BNC2: variants seen among roughly 807,000 people sequenced by gnomAD.
The protein encoded by BNC2 is basonuclin zinc finger protein 2, also known as zinc finger protein basonuclin-2.
In BNC2, 20 loss-of-function variants were observed where a neutral mutation model predicts 76.3. The ratio of observed to expected loss-of-function variants is 0.26; its 90% CI spans 0.18 to 0.38. The LOEUF (loss-of-function observed/expected upper bound fraction) is 0.38. Among genes scored for constraint, BNC2 ranks in the 10% least tolerant of loss-of-function variants. BNC2 has a pLI of 1.00. For synonymous variants in BNC2, 582 were observed against 514.8 expected, an observed-to-expected ratio of 1.13 and a Z score of -1.77; for missense variants, 1,382 against 1,399.8, an observed-to-expected ratio of 0.99 and a Z score of 0.20.
chr9:16,469,502 C>G (rs1821773548), intron 5 of BNC2, among the ~76,000 whole-genome samples: 1 of 152,200 alleles, frequency 6.6e-6, no homozygotes, highest in African/African-American at 2.4e-5. Context: ...CCATGGGGAA[C>G]TGTAAGTCCA....
At chr9:16,650,269 T>C (rs1169188608) in intron 3 of BNC2, among the ~76,000 whole-genome samples, 1 of 152,208 alleles carries the variant, frequency 6.6e-6, no homozygotes, top group African/African-American at 2.4e-5. Flanking sequence ...ACAGAGGGCA[T>C]AAATAGGACC....
chr9:16,444,712 A>G (rs891961646), intron 5 of BNC2, among the ~76,000 whole-genome samples: 1 of 152,222 alleles, frequency 6.6e-6, no homozygotes. Context: ...TCTGTGGAAG[A>G]GAAACCTTTG....
chr9:16,686,765 T>C lies in BNC2; in HGVS notation c.330+41032A>G, dbSNP rs112031032. 1.1e-3 allele frequency among the ~76,000 whole-genome samples: 163 copies of C among 152,306 alleles called. 1 individual carries two copies. Among genetic ancestry groups the C allele is most frequent in the African/African-American group, 3.6e-3 (149 of 41,572 alleles). On this transcript the variant is annotated intron_variant, in intron 3 of 6. Coordinates refer to ENST00000380672, the MANE Select transcript of BNC2 (RefSeq NM_017637.6). ...CAAACTTAAACAACGTTCAGTATAC[T>C]CCACTTTGCAAGTTCACTAGTGAAT...
intron 1 of BNC2, among the ~76,000 whole-genome samples, chr9:16,791,627 C>T (rs1403445526): frequency 6.6e-6 from 1 of 152,172 alleles, no homozygotes; most frequent in African/African-American, 2.4e-5. Flanking sequence ...ACCCCATTCA[C>T]AGTCAACTAT....
chr9:16,471,086 C>G (rs755239522), intron 5 of BNC2, among the ~76,000 whole-genome samples: 1 of 152,188 alleles, frequency 6.6e-6, no homozygotes, highest in Non-Finnish European at 1.5e-5. Context: ...TGGGAACCCA[C>G]CTCTTACATC....
intron 1 of BNC2, among the ~76,000 whole-genome samples, chr9:16,760,264 A>C (rs532025509): frequency 6.6e-6 from 1 of 152,282 alleles, no homozygotes; most frequent in African/African-American, 2.4e-5. Flanking sequence ...CTGTTCAGCA[A>C]CTCTCAGAAA....
intron 6 of BNC2, chr9:16,421,375 T>C: frequency 1.1e-6 from 1 of 945,332 alleles, no homozygotes; most frequent in Non-Finnish European, 1.5e-6. Context: ...GAAAACAAAT[T>C]CACATTCTAG....
At chr9:16,825,379 A>T (rs1450491861) in intron 1 of BNC2, among the ~76,000 whole-genome samples, 2 of 152,066 alleles carry the variant, frequency 1.3e-5, no homozygotes, top group Non-Finnish European at 2.9e-5. Context: ...TCATTCCACA[A>T]TTGGGGTGGG....
chr9:16,493,056 T>A (rs1181504106), intron 5 of BNC2, among the ~76,000 whole-genome samples: 4 of 152,206 alleles, frequency 2.6e-5, no homozygotes, highest in Non-Finnish European at 5.9e-5. Flanking sequence ...TTTATTTCAT[T>A]TTTATTGAAA....
At chr9:16,771,695 C>T (rs1413632958) in intron 1 of BNC2, among the ~76,000 whole-genome samples, 1 of 152,222 alleles carries the variant, frequency 6.6e-6, no homozygotes, top group Non-Finnish European at 1.5e-5. Flanking sequence ...TCACTATTCA[C>T]AGTTACACTC....
At chr9:16,617,613 T>G (rs1820748339) in intron 3 of BNC2, among the ~76,000 whole-genome samples, 1 of 152,242 alleles carries the variant, frequency 6.6e-6, no homozygotes, top group South Asian at 2.1e-4. Context: ...GGCACAAAGT[T>G]TAGTAAAACC....
rs188560449 is a variant in BNC2, at chr9:16,739,620, G to A, written c.4-1135C>T. Among the ~76,000 whole-genome samples, 262 of 152,192 alleles carry A rather than the reference G, an allele frequency of 1.7e-3. 2 individuals are homozygous for A. The highest frequency in any genetic ancestry group is 5.8e-3 in the African/African-American group (240 of 41,516). On this transcript the variant is annotated intron_variant, in intron 1 of 6. Transcript: ENST00000380672. ...CCAAGAGGCAGAGGTTGCAGTGAGCGGAGATTGTGCCATTGCACTCCACCC... is the reference window on the plus strand; with the variant it reads ...CCAAGAGGCAGAGGTTGCAGTGAGCAGAGATTGTGCCATTGCACTCCACCC...
intron 3 of BNC2, among the ~76,000 whole-genome samples, chr9:16,609,040 C>CA (rs1238836983): frequency 1.8e-4 from 27 of 152,290 alleles, no homozygotes; most frequent in African/African-American, 6.3e-4. Flanking sequence ...ACCTAGAACA[C>CA]AGCCTTGTGA....
chr9:16,741,659 C>A (rs1281850562), intron 1 of BNC2, among the ~76,000 whole-genome samples: 1 of 151,994 alleles, frequency 6.6e-6, no homozygotes, highest in African/African-American at 2.4e-5. Context: ...AAATACCTTG[C>A]TCTAAAACAT....
At chr9:16,598,967 T>C (rs1820169921) in intron 3 of BNC2, among the ~76,000 whole-genome samples, 2 of 152,170 alleles carry the variant, frequency 1.3e-5, no homozygotes, top group African/African-American at 2.4e-5. Flanking sequence ...GCCTTAAATA[T>C]GAATAAATTA....
At chr9:16,701,490 A>G (rs2134578739) in intron 3 of BNC2, among the ~76,000 whole-genome samples, 1 of 152,370 alleles carries the variant, frequency 6.6e-6, no homozygotes, top group African/African-American at 2.4e-5. Flanking sequence ...AAAGGTAGCA[A>G]TAAAGTTATT....
At chr9:16,452,637 T>C (rs1205558794) in intron 5 of BNC2, among the ~76,000 whole-genome samples, 2 of 152,188 alleles carry the variant, frequency 1.3e-5, no homozygotes, top group African/African-American at 4.8e-5. Context: ...CTTGAACTTC[T>C]GACCTCAGGT....
At chr9:16,868,288 T>C (rs556794782) in intron 1 of BNC2, 14 of 152,176 alleles carry the variant, frequency 9.2e-5, no homozygotes, top group Admixed American at 1.3e-4. Context: ...CAAAATGTTA[T>C]GTAAAGCACT....
At chr9:16,522,152 T>G (rs1817639843) in intron 5 of BNC2, among the ~76,000 whole-genome samples, 1 of 152,208 alleles carries the variant, frequency 6.6e-6, no homozygotes. Context: ...CAGCACTCCC[T>G]GAAAAGGGGG....
Sources: allele counts gnomAD v4.1 joint callset (sites outside exome capture counted in the v4.1 genomes callset), GRCh38; gene constraint gnomAD v4.1.1; transcripts MANE v1.5; gene names NCBI Gene and HGNC (gene_info 2026-07-23, HGNC 2026-07-21).